Variants in APPL2 observed in about 807,000 individuals in gnomAD.
APPL2 encodes adaptor protein, phosphotyrosine interacting with PH domain and leucine zipper 2.
Under a neutral mutation model 92.7 loss-of-function variants are expected in APPL2, and 84 were observed. The observed-to-expected ratio is 0.91, with a 90% CI of 0.76 to 1.09. The LOEUF (loss-of-function observed/expected upper bound fraction) is 1.09, where lower values mean the gene tolerates loss of function less well. Among genes scored for constraint, APPL2 ranks in the 50% least tolerant of loss-of-function variants. The pLI is 0.00. For missense variants in APPL2, 736 were observed against 824.5 expected (o/e 0.89, Z 1.31); for synonymous variants, 291 against 291.0 (o/e 1.00, Z 0.00).
At chr12:105,200,113 C>T (rs1027753107) in intron 9 of APPL2, among the ~76,000 whole-genome samples, 2 of 152,010 alleles carry the variant, frequency 1.3e-5, no homozygotes, top group Admixed American at 6.6e-5. Flanking sequence ...GGATTACAGG[C>T]GTGAGCCACC....
intron 13 of APPL2, 22 bp from the exon 14 acceptor site, chr12:105,195,371 C>T (rs751693864): frequency 2.5e-6 from 4 of 1,614,178 alleles, no homozygotes; most frequent in Non-Finnish European, 3.4e-6. Context: ...CAGGAAGACA[C>T]ACTCAGTCCC....
rs558297521 is a variant in APPL2, at chr12:105,223,618, C to T, written c.153+5507G>A. On this transcript the variant is annotated intron_variant, in intron 2 of 20. Transcript: ENST00000258530. ...TCCCATGCAAAGTGGAGGCCAAGAC[C>T]AGACTGAGGTGGCTTGAGGAACAAA... Among the ~76,000 whole-genome samples, 3 of 152,316 alleles carry T rather than the reference C, an allele frequency of 2.0e-5. No individual in the cohort carries two copies. The South Asian group carries it at 6.2e-4, about 32-fold the overall frequency.
At chr12:105,192,887 G>T (rs1286589282) in intron 14 of APPL2, among the ~76,000 whole-genome samples, 1 of 152,240 alleles carries the variant, frequency 6.6e-6, no homozygotes, top group Non-Finnish European at 1.5e-5. Flanking sequence ...ACTGCAGAAT[G>T]AGGGAAGTCC....
At chr12:105,222,411 C>T (rs764621715) in intron 2 of APPL2, among the ~76,000 whole-genome samples, 4 of 151,964 alleles carry the variant, frequency 2.6e-5, no homozygotes, top group East Asian at 1.9e-4. Flanking sequence ...CAGTGCAGAG[C>T]GGGGCATGGA....
At chr12:105,175,172 C>T (rs1592746316) in intron 20 of APPL2, among the ~76,000 whole-genome samples, 1 of 152,328 alleles carries the variant, frequency 6.6e-6, no homozygotes, top group Non-Finnish European at 1.5e-5. Flanking sequence ...GCATAAGCCA[C>T]CATGCCTGGC....
chr12:105,221,536 T>A (rs964748877), intron 2 of APPL2, among the ~76,000 whole-genome samples: 1 of 152,234 alleles, frequency 6.6e-6, no homozygotes, highest in Non-Finnish European at 1.5e-5. Flanking sequence ...AAATTGCACC[T>A]ACTCAATACT....
At chr12:105,197,626 ATCC>A in intron 11 of APPL2, 136 bp downstream of exon 11, 3 of 1,043,814 alleles carry the variant, frequency 2.9e-6, no homozygotes, top group South Asian at 1.6e-5. Context: ...GCAGAAAATC[ATCC>A]TCCTGAAAGG....
chr12:105,180,694 T>G (rs1886031594), intron 17 of APPL2, among the ~76,000 whole-genome samples: 1 of 152,200 alleles, frequency 6.6e-6, no homozygotes, highest in Non-Finnish European at 1.5e-5. Context: ...CCCTTGTAAG[T>G]TGTATTCCTA....
chr12:105,183,061 C>T (rs764565985), intron 17 of APPL2, among the ~76,000 whole-genome samples: 3 of 137,654 alleles, frequency 2.2e-5, no homozygotes, highest in Non-Finnish European at 4.6e-5. Flanking sequence ...ACTAGGATTG[C>T]AACCCCTGCT....
intron 17 of APPL2, among the ~76,000 whole-genome samples, chr12:105,187,475 A>G (rs1886832065): frequency 6.6e-6 from 1 of 152,216 alleles, no homozygotes; most frequent in Non-Finnish European, 1.5e-5. Context: ...AATTTGCTTA[A>G]GGTCACATAA....
At chr12:105,175,893 T>C in intron 20 of APPL2, 142 bp downstream of exon 20, 1 of 715,272 alleles carries the variant, frequency 1.4e-6, no homozygotes, top group South Asian at 2.2e-5. Flanking sequence ...AAACCTCTGG[T>C]GGTTAGAATA....
At position 105,174,260 on chromosome 12, in the gene APPL2, C is replaced by T. The variant is rs1486081164; in HGVS notation, c.*54G>A. On this transcript the variant is annotated 3_prime_UTR_variant, in exon 21 of 21. Coordinates refer to ENST00000258530, the MANE Select transcript of APPL2 (RefSeq NM_018171.5). Reference sequence around the variant, plus strand: ...GCCTGTATGTCAGAGACGTTAAAACCCTTAGGAGGTAGCTCTCCTTCCTGT... The same window carrying T: ...GCCTGTATGTCAGAGACGTTAAAACTCTTAGGAGGTAGCTCTCCTTCCTGT... 1 of 1,597,186 alleles carries T rather than the reference C, an allele frequency of 6.3e-7. No individual in the cohort carries two copies. The highest frequency in any genetic ancestry group is 1.7e-5 in the Admixed American group (1 of 58,574).
intron 9 of APPL2, among the ~76,000 whole-genome samples, chr12:105,200,831 C>CGTATGTAT (rs67064501): frequency 0.022 from 3,245 of 144,334 alleles, 50 homozygotes; most frequent in East Asian, 0.03. Flanking sequence ...CCACTCTCTA[C>CGTATGTAT]GTATGTATGT....
intron 5 of APPL2, among the ~76,000 whole-genome samples, chr12:105,210,746 CAG>C (rs1420747782): frequency 2.0e-5 from 3 of 152,162 alleles, no homozygotes; most frequent in African/African-American, 7.2e-5. Context: ...GCTGCATCCC[CAG>C]AGTCTAGCAC....
Position 105,197,897 on chromosome 12 carries a change from C to T in APPL2, c.920G>A (p.Gly307Glu), listed in dbSNP as rs1224790204. Residue 307 changes from glycine (G) to glutamate (E), a missense_variant, in exon 11 of 21, where the codon GGG becomes GAG. Coordinates refer to ENST00000258530, the MANE Select transcript of APPL2 (RefSeq NM_018171.5). ...WERLYFFTQGGNLMCQPRGAV... is the reference protein window; with the variant it reads ...WERLYFFTQGENLMCQPRGAV... ...TCCCCTGGGCTGACACATGAGATTC[C>T]CGCCTTGGGTGAAGAAATAAAGCCT... is the stretch of plus-strand genomic sequence containing the variant. The T allele has an allele frequency of 3.1e-6, 5 of 1,614,058 alleles. No individual in the cohort carries two copies. The highest frequency in any genetic ancestry group is 4.2e-6 in the Non-Finnish European group (5 of 1,180,040).
intron 4 of APPL2, among the ~76,000 whole-genome samples, chr12:105,212,913 C>T (rs182710536): frequency 1.3e-5 from 2 of 152,346 alleles, no homozygotes; most frequent in African/African-American, 4.8e-5. Flanking sequence ...TTCCCTATCG[C>T]TCAACCAAGT....
At chr12:105,179,743 C>CT (rs1041892062) in intron 17 of APPL2, among the ~76,000 whole-genome samples, 61 of 152,296 alleles carry the variant, frequency 4.0e-4, no homozygotes, top group Non-Finnish European at 3.1e-4. Context: ...TGATGATGAG[C>CT]TTTTTTTCAC....
In APPL2 at chr12:105,201,225, T is replaced by C. The variant is rs571363194; in HGVS notation, c.705-1694A>G. 1.9e-4 allele frequency among the ~76,000 whole-genome samples: 29 copies of C among 152,326 alleles called. No individual in the cohort carries two copies. In the South Asian group the frequency reaches 5.8e-3, roughly 31 times the overall value. On this transcript the variant is annotated intron_variant, in intron 9 of 20. Transcript: ENST00000258530. ...CTCCTGGTCAGCCCCTCTTCTTTAA[T>C]GCAGCTCGATTTTGGCTTTTCTGAC...
At chr12:105,194,782 T>TAAA (rs36104130) in intron 14 of APPL2, among the ~76,000 whole-genome samples, 1,575 of 144,578 alleles carry the variant, frequency 0.011, 41 homozygotes, top group East Asian at 0.084. Context: ...TAGAAATAGT[T>TAAA]AAAAAAAAAA....
Sources: gnomAD v4.1 joint callset for allele counts (sites outside exome capture counted in the v4.1 genomes callset) on GRCh38, gnomAD v4.1.1 for gene constraint, MANE v1.5 for transcripts, NCBI Gene and HGNC (gene_info 2026-07-23, HGNC 2026-07-21) for gene names.